TAFA1: variants seen among roughly 807,000 people sequenced by gnomAD.
TAFA1 encodes TAFA chemokine like family member 1, also known as chemokine-like protein TAFA-1.
In TAFA1, 4 loss-of-function variants were observed where a neutral mutation model predicts 18.5. The observed-to-expected ratio is 0.22, with a 90% CI of 0.11 to 0.49. The LOEUF is 0.49. TAFA1 is among the 20% of genes least tolerant of loss of function. TAFA1 has a pLI of 0.98. For missense variants in TAFA1, 147 were observed against 169.0 expected, an observed-to-expected ratio of 0.87 and a Z score of 0.72; for synonymous variants, 56 against 55.2, an observed-to-expected ratio of 1.01 and a Z score of -0.06.
At chr3:68,472,201 T>A (rs556956421) in intron 3 of TAFA1, among the ~76,000 whole-genome samples, 1 of 152,250 alleles carries the variant, frequency 6.6e-6, no homozygotes, top group East Asian at 1.9e-4. Flanking sequence ...TGGGGGTGGT[T>A]TTCCCCATAC....
intron 2 of TAFA1, among the ~76,000 whole-genome samples, chr3:68,217,954 T>G (rs2066679784): frequency 6.6e-6 from 1 of 152,078 alleles, no homozygotes. Flanking sequence ...CTTTAAAGGT[T>G]TAGAGGAACC....
chr3:68,143,489 T>G (rs1559536164), intron 2 of TAFA1, among the ~76,000 whole-genome samples: 3 of 152,204 alleles, frequency 2.0e-5, no homozygotes, highest in South Asian at 2.1e-4. Context: ...TTTGTAAAAT[T>G]TATCAACTTC....
At chr3:68,158,986 C>T (rs200323356) in intron 2 of TAFA1, among the ~76,000 whole-genome samples, 1 of 152,252 alleles carries the variant, frequency 6.6e-6, no homozygotes, top group East Asian at 1.9e-4. Context: ...TTTGTTCAAT[C>T]TCCTGTTCAT....
rs185228171 is a variant in TAFA1, at chr3:68,085,911, C to T, written c.118+79167C>T. Among the ~76,000 whole-genome samples the T allele has an allele frequency of 2.4e-3, 361 of 152,224 alleles. 3 individuals are homozygous for T. In the Middle Eastern group the frequency reaches 0.024, roughly 10 times the overall value. On this transcript the variant is annotated intron_variant, in intron 2 of 4. Transcript: ENST00000478136. ...TCCAGCCATGCCTGAACAGGTGTGC[C>T]CAACATGGAAGGTTCTAGCCACAGG...
intron 3 of TAFA1, among the ~76,000 whole-genome samples, chr3:68,470,155 C>T (rs1204026328): frequency 6.6e-6 from 1 of 152,204 alleles, no homozygotes; most frequent in Admixed American, 6.5e-5. Context: ...TTTTCCTGCA[C>T]AAGCTCTCTT....
chr3:68,067,455 G>A (rs1222780844), intron 2 of TAFA1, among the ~76,000 whole-genome samples: 2 of 152,100 alleles, frequency 1.3e-5, no homozygotes, highest in Non-Finnish European at 2.9e-5. Context: ...CTCCAGGAGT[G>A]GAGGCTCCAT....
chr3:68,408,776 A>T (rs1405520611), intron 2 of TAFA1, among the ~76,000 whole-genome samples: 1 of 152,176 alleles, frequency 6.6e-6, no homozygotes, highest in African/African-American at 2.4e-5. Context: ...AGGCTAGACA[A>T]CAAGCCCATA....
chr3:68,184,450 G>A (rs2066244781), intron 2 of TAFA1, among the ~76,000 whole-genome samples: 2 of 152,046 alleles, frequency 1.3e-5, no homozygotes, highest in African/African-American at 4.8e-5. Context: ...ATGATGATAA[G>A]CACTGTGTGC....
chr3:68,203,045 C>T (rs1188241075), intron 2 of TAFA1, among the ~76,000 whole-genome samples: 3 of 151,610 alleles, frequency 2.0e-5, no homozygotes, highest in African/African-American at 7.3e-5. Context: ...TTCTTCTTCA[C>T]TTTAAAGAAT....
chr3:67,995,375 G>A, the TAFA1 span, among the ~76,000 whole-genome samples: 35 of 152,170 alleles, frequency 2.3e-4, no homozygotes, highest in East Asian at 5.6e-3. Flanking sequence ...GATCTGGGTG[G>A]GGGCCAGGGC....
intron 2 of TAFA1, among the ~76,000 whole-genome samples, chr3:68,180,353 T>C (rs2066181898): frequency 6.6e-6 from 1 of 152,016 alleles, no homozygotes; most frequent in African/African-American, 2.4e-5. Context: ...TTTATTTATA[T>C]ATGTCAGACT....
chr3:68,321,890 C>A (rs767782506), intron 2 of TAFA1, among the ~76,000 whole-genome samples: 1 of 152,216 alleles, frequency 6.6e-6, no homozygotes, highest in Non-Finnish European at 1.5e-5. Context: ...TGAATAATCA[C>A]TTTCTTCTCT....
chr3:68,090,277 G>C (rs148106595), intron 2 of TAFA1, among the ~76,000 whole-genome samples: 1 of 152,076 alleles, frequency 6.6e-6, no homozygotes, highest in Non-Finnish European at 1.5e-5. Context: ...ACAGATTCAC[G>C]TGCACTTGTA....
At chr3:68,388,816 G>T (rs1000048106) in intron 2 of TAFA1, among the ~76,000 whole-genome samples, 2 of 152,108 alleles carry the variant, frequency 1.3e-5, no homozygotes, top group Admixed American at 6.6e-5. Flanking sequence ...TTTGGATGGT[G>T]TTTTTAAACC....
At chr3:68,448,147 A>G (rs1177614799) in intron 3 of TAFA1, among the ~76,000 whole-genome samples, 1 of 152,062 alleles carries the variant, frequency 6.6e-6, no homozygotes, top group East Asian at 1.9e-4. Flanking sequence ...AAAAGGACAA[A>G]ATGAGGAGGA....
chr3:68,411,681 C>T (rs1055733401), intron 2 of TAFA1, among the ~76,000 whole-genome samples: 5 of 152,110 alleles, frequency 3.3e-5, no homozygotes, highest in Non-Finnish European at 5.9e-5. Context: ...AGAATATCTC[C>T]TTTCTTAGAG....
rs185388696 is a variant in TAFA1, at chr3:68,264,344, G to A, written c.119-152936G>A. Among the ~76,000 whole-genome samples the A allele has an allele frequency of 8.7e-4, 133 of 152,266 alleles. 1 individual carries two copies. Among genetic ancestry groups the A allele is most frequent in the African/African-American group, 3.1e-3 (128 of 41,562 alleles). On this transcript the variant is annotated intron_variant, in intron 2 of 4. Coordinates refer to ENST00000478136, the MANE Select transcript of TAFA1 (RefSeq NM_213609.4). Reference sequence around the variant, plus strand: ...CGTTTGTGGAGATGGCAAATATTGGGCACACAGATTATTGAAGTTTGGGAA... The same window carrying A: ...CGTTTGTGGAGATGGCAAATATTGGACACACAGATTATTGAAGTTTGGGAA...
intron 3 of TAFA1, among the ~76,000 whole-genome samples, chr3:68,514,208 T>A (rs901404597): frequency 6.6e-6 from 1 of 152,182 alleles, no homozygotes. Context: ...TGGGGGAACA[T>A]AAACATCAGT....
intron 2 of TAFA1, among the ~76,000 whole-genome samples, chr3:68,394,716 T>C (rs1056694956): frequency 6.6e-6 from 1 of 152,144 alleles, no homozygotes; most frequent in African/African-American, 2.4e-5. Flanking sequence ...CCCCATTTAA[T>C]AAATGGTGTT....
Sources: gnomAD v4.1 joint callset for allele counts (sites outside exome capture counted in the v4.1 genomes callset) on GRCh38, gnomAD v4.1.1 for gene constraint, MANE v1.5 for transcripts, NCBI Gene and HGNC (gene_info 2026-07-23, HGNC 2026-07-21) for gene names.